The following IGF2BP2 variants were observed in gnomAD, a reference collection of about 807,000 sequenced individuals.
IGF2BP2 encodes the protein insulin-like growth factor 2 mRNA-binding protein 2.
A neutral mutation model predicts 75.8 loss-of-function variants in IGF2BP2; 17 were observed. The ratio of observed to expected loss-of-function variants is 0.22; its 90% CI spans 0.15 to 0.34. IGF2BP2 has a LOEUF of 0.34. Among genes scored for constraint, IGF2BP2 ranks in the 10% least tolerant of loss-of-function variants. The pLI, the probability that IGF2BP2 is intolerant of heterozygous loss-of-function variation, is 1.00. For synonymous variants in IGF2BP2, 288 were observed against 295.6 expected (o/e 0.97, Z 0.26); for missense variants, 516 against 772.4 (o/e 0.67, Z 3.93).
intron 2 of IGF2BP2, among the ~76,000 whole-genome samples, chr3:185,819,751 A>G (rs1296589177): frequency 6.6e-6 from 1 of 152,144 alleles, no homozygotes; most frequent in Admixed American, 6.5e-5. Context: ...GTAGGAAGGT[A>G]CCACACAATT....
At chr3:185,816,664 G>A (rs1740651679) in intron 2 of IGF2BP2, among the ~76,000 whole-genome samples, 2 of 152,170 alleles carry the variant, frequency 1.3e-5, no homozygotes, top group Non-Finnish European at 2.9e-5. Context: ...CTTGTCTGGG[G>A]CTGAGTTTCC....
chr3:185,804,229 C>G (rs1440691555), intron 2 of IGF2BP2, among the ~76,000 whole-genome samples: 1 of 149,316 alleles, frequency 6.7e-6, no homozygotes, highest in Non-Finnish European at 1.5e-5. Flanking sequence ...GTACTCCAGC[C>G]TGGACAACAG....
At chr3:185,771,533 A>G (rs1733880396) in intron 2 of IGF2BP2, among the ~76,000 whole-genome samples, 1 of 152,176 alleles carries the variant, frequency 6.6e-6, no homozygotes, top group Non-Finnish European at 1.5e-5. Flanking sequence ...CATGTAGGTA[A>G]TGAGAAATCC....
At chr3:185,793,347 T>C (rs1218696717) in intron 2 of IGF2BP2, among the ~76,000 whole-genome samples, 1 of 152,178 alleles carries the variant, frequency 6.6e-6, no homozygotes, top group Non-Finnish European at 1.5e-5. Context: ...CACACAGGGA[T>C]GTTGGGAGAT....
chr3:185,743,603 T>C (rs1050824962), intron 2 of IGF2BP2, among the ~76,000 whole-genome samples: 9 of 152,204 alleles, frequency 5.9e-5, no homozygotes, highest in Non-Finnish European at 5.9e-5. Context: ...ATGATACTTT[T>C]CCTGTTTTTT....
chr3:185,665,998 GTACATAGATAGA>G (rs1414609756), intron 10 of IGF2BP2, among the ~76,000 whole-genome samples: 1 of 128,216 alleles, frequency 7.8e-6, no homozygotes, highest in East Asian at 2.3e-4. Context: ...AGGTAGATAG[GTACATAGATAGA>G]TAGATAGATA....
chr3:185,816,761 G>C (rs1262727520), intron 2 of IGF2BP2, among the ~76,000 whole-genome samples: 1 of 152,138 alleles, frequency 6.6e-6, no homozygotes, highest in Non-Finnish European at 1.5e-5. Flanking sequence ...CAAAGAGGCT[G>C]GAACAGCATC....
At chr3:185,705,603 T>C (rs1012421934) in intron 2 of IGF2BP2, among the ~76,000 whole-genome samples, 152 of 152,272 alleles carry the variant, frequency 1.0e-3, no homozygotes, top group African/African-American at 3.6e-3. Flanking sequence ...TATCTTGGTC[T>C]GTTTGGACTA....
At chr3:185,752,692 C>T (rs931674676) in intron 2 of IGF2BP2, among the ~76,000 whole-genome samples, 1 of 151,974 alleles carries the variant, frequency 6.6e-6, no homozygotes, top group Non-Finnish European at 1.5e-5. Flanking sequence ...CGGGTTCAAG[C>T]GATTCTCCTG....
chr3:185,646,780 G>A (rs553435850), intron 15 of IGF2BP2: 26 of 524,268 alleles, frequency 5.0e-5, no homozygotes, highest in African/African-American at 3.1e-4. Flanking sequence ...TTGCTTAAGC[G>A]CTTAACTCTT....
chr3:185,782,102 G>A (rs1297220160), intron 2 of IGF2BP2, among the ~76,000 whole-genome samples: 1 of 152,074 alleles, frequency 6.6e-6, no homozygotes, highest in African/African-American at 2.4e-5. Context: ...AATTTAAACC[G>A]TGACTCAGTA....
At chr3:185,800,902 C>T (rs939897039) in intron 2 of IGF2BP2, among the ~76,000 whole-genome samples, 16 of 151,976 alleles carry the variant, frequency 1.1e-4, no homozygotes, top group South Asian at 2.1e-4. Context: ...GCAAAGGAAA[C>T]GATCATCAGA....
intron 11 of IGF2BP2, 108 bp from the exon 12 acceptor site, chr3:185,657,510 C>G (rs1208981191): frequency 4.8e-6 from 4 of 826,712 alleles, no homozygotes; most frequent in Non-Finnish European, 7.7e-6. Context: ...GGGAAGGCCC[C>G]GCCACCCAAG....
chr3:185,672,914 G>A (rs150305284), intron 9 of IGF2BP2, among the ~76,000 whole-genome samples: 19 of 152,202 alleles, frequency 1.2e-4, no homozygotes, highest in African/African-American at 4.3e-4. Context: ...CTCTTCCTGG[G>A]GATGGCAGCC....
At chr3:185,782,872 C>T (rs1002115412) in intron 2 of IGF2BP2, among the ~76,000 whole-genome samples, 9 of 152,168 alleles carry the variant, frequency 5.9e-5, no homozygotes, top group African/African-American at 2.2e-4. Context: ...AAGTAACACC[C>T]ACCTGAGATG....
intron 2 of IGF2BP2, chr3:185,722,059 G>T: frequency 3.6e-6 from 1 of 276,058 alleles, no homozygotes; most frequent in South Asian, 2.9e-5. Flanking sequence ...TCCTGCCTTA[G>T]TCGCCTAAGT....
chr3:185,664,774 C>T (rs1337133845), intron 10 of IGF2BP2, among the ~76,000 whole-genome samples: 1 of 152,028 alleles, frequency 6.6e-6, no homozygotes, highest in Non-Finnish European at 1.5e-5. Flanking sequence ...TGGACAGACA[C>T]AAAGAGTAGA....
chr3:185,659,291 G>A (rs1433655768), intron 10 of IGF2BP2, among the ~76,000 whole-genome samples: 2 of 152,060 alleles, frequency 1.3e-5, no homozygotes, highest in African/African-American at 2.4e-5. Flanking sequence ...GGAGAGAGAG[G>A]AGCAGGGAAC....
At chr3:185,799,698 G>C (rs1461374310) in intron 2 of IGF2BP2, among the ~76,000 whole-genome samples, 2 of 151,816 alleles carry the variant, frequency 1.3e-5, no homozygotes, top group Admixed American at 1.3e-4. Context: ...CTTGCAGTGA[G>C]CTGAGATTGC....
Sources: allele counts gnomAD v4.1 joint callset (sites outside exome capture counted in the v4.1 genomes callset), GRCh38; gene constraint gnomAD v4.1.1; transcripts MANE v1.5; gene names NCBI Gene and HGNC (gene_info 2026-07-23, HGNC 2026-07-21).